Variants in CCDC146 observed in about 807,000 individuals in gnomAD.
The protein encoded by CCDC146 is coiled-coil domain-containing protein 146.
Under a neutral mutation model 119.3 loss-of-function variants are expected in CCDC146, and 92 were observed. The ratio of observed to expected loss-of-function variants is 0.77; its 90% CI spans 0.65 to 0.92. The LOEUF (loss-of-function observed/expected upper bound fraction) is 0.92. Among genes scored for constraint, CCDC146 ranks in the 40% least tolerant of loss-of-function variants. The probability of loss-of-function intolerance (pLI) is 0.00; values close to 1 mark genes in which losing one functional copy is unlikely to be tolerated. For missense variants in CCDC146, 1,000 were observed against 1,103.0 expected (o/e 0.91, Z 1.32); for synonymous variants, 372 against 371.8 (o/e 1.00, Z -0.01).
At chr7:77,142,304 A>T (rs1185259390) in intron 1 of CCDC146, among the ~76,000 whole-genome samples, 2 of 121,536 alleles carry the variant, frequency 1.6e-5, no homozygotes, top group African/African-American at 6.2e-5. Context: ...ACATGATTGT[A>T]CATTTATTTA....
At chr7:77,281,015 A>G (rs1032063670) in intron 14 of CCDC146, among the ~76,000 whole-genome samples, 2 of 151,982 alleles carry the variant, frequency 1.3e-5, no homozygotes, top group African/African-American at 4.8e-5. Flanking sequence ...CAGCACGAGA[A>G]TCGCTTGAAC....
At chr7:77,278,711 C>T in intron 11 of CCDC146, 41 bp from the exon 12 acceptor site, 1 of 1,354,868 alleles carries the variant, frequency 7.4e-7, no homozygotes, top group Non-Finnish European at 1.0e-6. Context: ...TGGGAGTGTT[C>T]ATATGTTGTT....
In CCDC146 at chr7:77,196,774, A is replaced by C; in HGVS notation, c.156+28950A>C. The C allele has an allele frequency of 6.2e-7, 1 of 1,614,196 alleles. No individual in the cohort carries two copies. The highest frequency in any genetic ancestry group is 8.5e-7 in the Non-Finnish European group (1 of 1,180,032). On this transcript the variant is annotated intron_variant, in intron 2 of 18. Coordinates refer to ENST00000285871, the MANE Select transcript of CCDC146 (RefSeq NM_020879.3). This position sits in a 1 kb window ranked among gnomAD's most constrained non-coding sequence, Gnocchi z 4.2. ...GCCAAAATTCCCTTCTGAGGTTTCC[A>C]AAGCCTGCTTTGTAGTCTTGCCATG...
Position 77,259,060 on chromosome 7 carries a change from C to CA in CCDC146, c.756dup (p.Val253SerfsTer19). On this transcript the variant is annotated frameshift_variant, in exon 7 of 19. Transcript: ENST00000285871. LOFTEE classifies it high-confidence loss of function. Reference sequence around the variant, plus strand: ...GAAAAGAGATAGAAAAAATAACACGCAAAAAAGTGTATGATTTAATATTTT... The same window carrying CA: ...GAAAAGAGATAGAAAAAATAACACGCAAAAAAAGTGTATGATTTAATATTTT... 6.3e-7 allele frequency: 1 copy of CA among 1,596,828 alleles called. No homozygotes were observed. Among genetic ancestry groups the CA allele is most frequent in the Non-Finnish European group, 8.6e-7 (1 of 1,165,834 alleles).
chr7:77,126,484 G>A (rs1167963230), intron 1 of CCDC146, among the ~76,000 whole-genome samples: 1 of 152,042 alleles, frequency 6.6e-6, no homozygotes, highest in South Asian at 2.1e-4. Context: ...ACCCACAGTG[G>A]GTAGCTCCTC....
At position 77,278,950 on chromosome 7, in the gene CCDC146, G is replaced by A. The variant is rs1204930739; in HGVS notation, c.1543G>A (p.Ala515Thr). The A allele has an allele frequency of 6.2e-7, 1 of 1,608,878 alleles. No homozygotes were observed. Among genetic ancestry groups the A allele is most frequent in the Admixed American group, 1.7e-5 (1 of 58,444 alleles). Reference sequence around the variant, plus strand: ...GTATTTTTACAGACTGAGAGAGTTTGCTAAACTGTATGACACCATTCGAAA... The same window carrying A: ...GTATTTTTACAGACTGAGAGAGTTTACTAAACTGTATGACACCATTCGAAA... ...CEIYRRLREF[A>T]KLYDTIRNER... is the part of the protein sequence containing the mutation. Residue 515 changes from alanine to threonine, a missense_variant, in exon 13 of 19, where the codon GCT (alanine) becomes ACT (threonine). Coordinates refer to ENST00000285871, the MANE Select transcript of CCDC146 (RefSeq NM_020879.3).
intron 2 of CCDC146, among the ~76,000 whole-genome samples, chr7:77,226,388 T>A (rs1357314619): frequency 3.3e-5 from 5 of 152,194 alleles, no homozygotes; most frequent in Non-Finnish European, 2.9e-5. Context: ...AAATCCAGGT[T>A]CCCTGCACAC....
chr7:77,288,678 C>T (rs1239473106), intron 17 of CCDC146, among the ~76,000 whole-genome samples: 2 of 152,230 alleles, frequency 1.3e-5, no homozygotes, highest in Non-Finnish European at 2.9e-5. Flanking sequence ...ATGTGCTACT[C>T]TCATGCTAGG....
intron 1 of CCDC146, among the ~76,000 whole-genome samples, chr7:77,148,318 C>T (rs905655468): frequency 6.6e-6 from 1 of 152,154 alleles, no homozygotes; most frequent in African/African-American, 2.4e-5. Flanking sequence ...CACCCCTTCC[C>T]TTGGCTAGGA....
intron 2 of CCDC146, chr7:77,197,136 T>C (rs1791888203): frequency 3.3e-6 from 2 of 602,624 alleles, no homozygotes; most frequent in Non-Finnish European, 5.8e-6. Flanking sequence ...TAGCAAATGC[T>C]TAAGGCCTCA....
intron 2 of CCDC146, chr7:77,198,095 A>T (rs1791909786): frequency 1.0e-6 from 1 of 982,546 alleles, no homozygotes; most frequent in Non-Finnish European, 1.2e-6. Flanking sequence ...TGCAGCATCT[A>T]ATCTAATGTA....
intron 4 of CCDC146, among the ~76,000 whole-genome samples, chr7:77,250,705 C>T (rs548313246): frequency 6.6e-6 from 1 of 152,184 alleles, no homozygotes; most frequent in African/African-American, 2.4e-5. Flanking sequence ...AGGAAATTCT[C>T]AGACATTATT....
intron 8 of CCDC146, among the ~76,000 whole-genome samples, chr7:77,261,004 TG>T (rs1793286377): frequency 6.6e-6 from 1 of 151,276 alleles, no homozygotes; most frequent in Admixed American, 6.6e-5. Context: ...TTTTGGGGGG[TG>T]GGGGTTATAA....
rs1009927822 is a variant in CCDC146 at position 77,130,372 on chromosome 7, A to T, written c.-12+7640A>T. 2.0e-5 allele frequency among the ~76,000 whole-genome samples: 3 copies of T among 152,076 alleles called. No individual in the cohort carries two copies. In the East Asian group the frequency reaches 5.8e-4, roughly 29 times the overall value. On this transcript the variant is annotated intron_variant, in intron 1 of 18. Coordinates refer to ENST00000285871, the MANE Select transcript of CCDC146 (RefSeq NM_020879.3). The stretch of plus-strand genomic sequence containing the variant: ...AATGAACTATGATAAAAATACCACA[A>T]AGGTCTCAGAACAACTCGCAAGCGT...
intron 1 of CCDC146, among the ~76,000 whole-genome samples, chr7:77,159,866 T>A (rs192898020): frequency 0.039 from 5,945 of 152,324 alleles, 160 homozygotes; most frequent in Non-Finnish European, 0.061. Context: ...TGAATGGTAA[T>A]GCCTAGGTTT....
intron 9 of CCDC146, among the ~76,000 whole-genome samples, chr7:77,263,079 G>A (rs750039913): frequency 1.8e-4 from 27 of 152,206 alleles, no homozygotes; most frequent in Non-Finnish European, 2.5e-4. Context: ...ACCTTATGGA[G>A]GGTCATGACC....
intron 2 of CCDC146, among the ~76,000 whole-genome samples, chr7:77,218,243 A>C (rs1406137333): frequency 6.6e-6 from 1 of 151,678 alleles, no homozygotes; most frequent in Non-Finnish European, 1.5e-5. Context: ...TTATATACCT[A>C]TATATGAATT....
chr7:77,286,716 C>T, intron 15 of CCDC146, 82 bp from the exon 16 acceptor site: 1 of 1,441,004 alleles, frequency 6.9e-7, no homozygotes, highest in Non-Finnish European at 9.5e-7. Context: ...TACTAAAAAA[C>T]TCTCAAGACC....
In CCDC146 at chr7:77,199,069, A is replaced by G; in HGVS notation, c.156+31245A>G. The G allele has an allele frequency of 3.3e-6, 3 of 919,006 alleles. No homozygotes were observed. The East Asian group carries it at 7.3e-5, about 22-fold the overall frequency. The allele number at this position is 919,006 out of a possible 1,614,324, so 56.9% of individuals were successfully genotyped here. A position where few individuals can be genotyped will look rare whatever the true frequency, so the allele number is the denominator to read the frequency against. ...TTTTTCCTGTGCACCTTGATAAATA[A>G]AAGACTTAATCTGTCATCTATTTAA... On this transcript the variant is annotated intron_variant, in intron 2 of 18. Coordinates refer to ENST00000285871, the MANE Select transcript of CCDC146 (RefSeq NM_020879.3).
Sources: allele counts gnomAD v4.1 joint callset (sites outside exome capture counted in the v4.1 genomes callset), GRCh38; gene constraint gnomAD v4.1.1; non-coding constraint Gnocchi (gnomAD v3.1); transcripts MANE v1.5; gene names NCBI Gene and HGNC (gene_info 2026-07-23, HGNC 2026-07-21).